The following NFIC variants were observed in gnomAD, a reference collection of about 807,000 sequenced individuals.
The protein encoded by NFIC is nuclear factor I C.
NFIC carries 12 observed loss-of-function variants against 54.4 expected under a neutral mutation model. That is an observed-to-expected ratio of 0.22 (90% confidence interval 0.14 to 0.36). The LOEUF is 0.36. NFIC is among the 10% of genes least tolerant of loss of function. The probability of loss-of-function intolerance (pLI) is 1.00; values close to 1 mark genes in which losing one functional copy is unlikely to be tolerated. For missense variants in NFIC, 575 were observed against 718.2 expected, an observed-to-expected ratio of 0.80 and a Z score of 2.28; for synonymous variants, 322 against 319.2, an observed-to-expected ratio of 1.01 and a Z score of -0.09.
chr19:3,361,010 G>T (rs1048479971), intron 1 of NFIC, among the ~76,000 whole-genome samples: 2 of 152,212 alleles, frequency 1.3e-5, no homozygotes, highest in African/African-American at 4.8e-5. Flanking sequence ...TGTAACTGGG[G>T]ACTGCCTGGG....
chr19:3,399,592 C>T (rs1454980853), intron 2 of NFIC, among the ~76,000 whole-genome samples: 1 of 150,164 alleles, frequency 6.7e-6, no homozygotes, highest in Admixed American at 6.6e-5. Context: ...TAAAAATAGG[C>T]CAGGCATGGT....
At chr19:3,444,672 G>A (rs2082345378) in intron 6 of NFIC, among the ~76,000 whole-genome samples, 1 of 152,206 alleles carries the variant, frequency 6.6e-6, no homozygotes, top group East Asian at 1.9e-4. Flanking sequence ...TGGCGGCCGG[G>A]GGTGGAGTCT....
chr19:3,435,440 C>G (rs1197012186), intron 6 of NFIC, among the ~76,000 whole-genome samples: 1 of 152,222 alleles, frequency 6.6e-6, no homozygotes, highest in Non-Finnish European at 1.5e-5. Context: ...GAGACTGTCC[C>G]CTGCCTGACT....
At chr19:3,421,115 C>G (rs1303066057) in intron 2 of NFIC, among the ~76,000 whole-genome samples, 4 of 152,236 alleles carry the variant, frequency 2.6e-5, no homozygotes, top group African/African-American at 9.6e-5. Flanking sequence ...AAGAGTGAGG[C>G]GCGGATGCAT....
At chr19:3,399,851 AC>A (rs1458184186) in intron 2 of NFIC, among the ~76,000 whole-genome samples, 4 of 152,182 alleles carry the variant, frequency 2.6e-5, no homozygotes, top group African/African-American at 9.7e-5. Context: ...AGCCTGGGTG[AC>A]AGAGCAAGAC....
intron 1 of NFIC, among the ~76,000 whole-genome samples, chr19:3,360,233 G>A (rs2080792675): frequency 6.9e-6 from 1 of 145,646 alleles, no homozygotes; most frequent in Non-Finnish European, 1.5e-5. Flanking sequence ...CGCGGCCGCC[G>A]CCGGGCGCCT....
chr19:3,366,446 A>AGGCG (rs2080884107), upstream of NFIC: 4 of 496,262 alleles, frequency 8.1e-6, no homozygotes, highest in Admixed American at 1.4e-4. Context: ...ACAGAGAGCG[A>AGGCG]GGCGGGCGGC....
intron 1 of NFIC, among the ~76,000 whole-genome samples, chr19:3,367,674 G>A (rs1453530787): frequency 6.6e-6 from 1 of 152,210 alleles, no homozygotes; most frequent in Non-Finnish European, 1.5e-5. Context: ...TCCTCCTTAC[G>A]CAGTGTGTCT....
intron 9 of NFIC, among the ~76,000 whole-genome samples, chr19:3,454,542 T>C (rs1335146059): frequency 6.6e-6 from 1 of 152,028 alleles, no homozygotes; most frequent in Non-Finnish European, 1.5e-5. Flanking sequence ...GGGTGGCTGC[T>C]GGATGGCCCC....
chr19:3,371,975 TTCTCTCTCTCTCCCTCTCTCTCCCTC>T (rs2081024606), intron 1 of NFIC, among the ~76,000 whole-genome samples: 1 of 31,972 alleles, frequency 3.1e-5, no homozygotes, highest in Non-Finnish European at 6.8e-5. Context: ...TTCCTTCTCT[TTCTCTCTCTCTCCCTCTCTCTCCCTC>T]TCTCTCTCTC....
In NFIC at chr19:3,431,713, G is replaced by A. The variant is rs536486035; in HGVS notation, c.635-1805G>A. Among the ~76,000 whole-genome samples, 211 of 151,674 alleles carry A rather than the reference G, an allele frequency of 1.4e-3. 1 individual carries two copies. The highest frequency in any genetic ancestry group is 4.5e-3 in the African/African-American group (188 of 41,322). ...GACACAGGGTTTCGCCATGTTGCCC[G>A]GGCTGATCTCAAACTCCTGAGCTCA... On this transcript the variant is annotated intron_variant, in intron 3 of 10. Coordinates refer to ENST00000443272, the MANE Select transcript of NFIC (RefSeq NM_001245002.2).
chr19:3,452,413 C>A lies in NFIC; in HGVS notation c.1085-69C>A. The stretch of plus-strand genomic sequence containing the variant: ...GGCAGGAATGACACCCACAGACACA[C>A]AGTCACACGGTCACAGAGCAGACCG... On this transcript the variant is annotated intron_variant, in intron 7 of 10. Transcript: ENST00000443272. The surrounding 1 kb of genome is among the most constrained non-coding windows in gnomAD (Gnocchi z 5.3). The A allele has an allele frequency of 6.4e-7, 1 of 1,567,976 alleles. No homozygotes were observed. The highest frequency in any genetic ancestry group is 8.7e-7 in the Non-Finnish European group (1 of 1,153,076).
At chr19:3,409,276 C>T (rs527639994) in intron 2 of NFIC, among the ~76,000 whole-genome samples, 9 of 152,258 alleles carry the variant, frequency 5.9e-5, no homozygotes, top group East Asian at 1.9e-4. Context: ...CTTTGTGGAA[C>T]GCTTTCACCC....
chr19:3,465,451 AAAAGGAAG>A lies in NFIC; in HGVS notation c.*2686_*2693del, dbSNP rs2082706720. 1 of 149,648 alleles carries A rather than the reference AAAAGGAAG, an allele frequency of 6.7e-6. No homozygotes were observed. The highest frequency in any genetic ancestry group is 2.4e-5 in the African/African-American group (1 of 41,028). The allele number at this position is 149,648 out of a possible 1,614,324, so 9.3% of individuals were successfully genotyped here. On this transcript the variant is annotated 3_prime_UTR_variant, in exon 11 of 11. Coordinates refer to ENST00000443272, the MANE Select transcript of NFIC (RefSeq NM_001245002.2). ...AATCTAAAAAAAAAAAAAAAAAAAA[AAAAGGAAG>A]AAAAACCACGCTAAAAATCAAGCCA...
intron 1 of NFIC, among the ~76,000 whole-genome samples, chr19:3,380,820 T>G (rs1224636423): frequency 6.6e-6 from 1 of 151,830 alleles, no homozygotes; most frequent in Non-Finnish European, 1.5e-5. Flanking sequence ...TTGATTTTGT[T>G]TGTTCATTTG....
intron 2 of NFIC, among the ~76,000 whole-genome samples, chr19:3,387,420 G>T (rs2081313930): frequency 6.6e-6 from 1 of 151,968 alleles, no homozygotes; most frequent in Non-Finnish European, 1.5e-5. Flanking sequence ...GAGAATCGCT[G>T]GAACCCGGGA....
intron 1 of NFIC, among the ~76,000 whole-genome samples, chr19:3,374,490 G>A (rs2081072219): frequency 6.6e-6 from 1 of 152,206 alleles, no homozygotes; most frequent in African/African-American, 2.4e-5. Context: ...CAGCCATTCA[G>A]ATGGTGAAAA....
chr19:3,457,268 C>A (rs376948111), intron 10 of NFIC, among the ~76,000 whole-genome samples: 57 of 152,148 alleles, frequency 3.7e-4, no homozygotes, highest in African/African-American at 1.2e-3. Flanking sequence ...CATGTTCAGA[C>A]GGCTGCAGCT....
chr19:3,372,737 A>C (rs1224288554), intron 1 of NFIC, among the ~76,000 whole-genome samples: 2 of 145,732 alleles, frequency 1.4e-5, no homozygotes, highest in African/African-American at 2.6e-5. Context: ...AGGCCCAGGG[A>C]CCAGTCCCAG....
Sources: gnomAD v4.1 joint callset for allele counts (sites outside exome capture counted in the v4.1 genomes callset) on GRCh38, gnomAD v4.1.1 for gene constraint, Gnocchi (gnomAD v3.1) non-coding constraint, MANE v1.5 for transcripts, NCBI Gene and HGNC (gene_info 2026-07-23, HGNC 2026-07-21) for gene names.